Variants in NELL2 observed in about 807,000 individuals in gnomAD.
The protein encoded by NELL2 is neural EGFL like 2.
In NELL2, 41 loss-of-function variants were observed where a neutral mutation model predicts 109.6. The ratio of observed to expected loss-of-function variants is 0.37; its 90% CI spans 0.29 to 0.49. The LOEUF (loss-of-function observed/expected upper bound fraction) is 0.49, where lower values mean the gene tolerates loss of function less well. NELL2 is among the 20% of genes least tolerant of loss of function. NELL2 has a pLI of 0.98. For missense variants in NELL2, 900 were observed against 1,008.3 expected (o/e 0.89, Z 1.45); for synonymous variants, 355 against 344.7 (o/e 1.03, Z -0.33).
intron 9 of NELL2, among the ~76,000 whole-genome samples, chr12:44,717,262 A>C (rs1179063773): frequency 1.3e-5 from 2 of 152,184 alleles, no homozygotes; most frequent in African/African-American, 4.8e-5. Flanking sequence ...AGGAATCATA[A>C]AAATGCCATT....
intron 13 of NELL2, among the ~76,000 whole-genome samples, chr12:44,622,338 G>C (rs757097811): frequency 1.2e-4 from 18 of 152,194 alleles, no homozygotes; most frequent in South Asian, 4.2e-4. Flanking sequence ...AATTTGGCAA[G>C]AGGCATGATT....
chr12:44,765,092 A>T (rs1350451066), intron 9 of NELL2, among the ~76,000 whole-genome samples: 1 of 152,216 alleles, frequency 6.6e-6, no homozygotes. Flanking sequence ...GAGCTAAGTG[A>T]CGTGCTCCTG....
intron 2 of NELL2, among the ~76,000 whole-genome samples, chr12:44,868,074 C>T (rs1453376938): frequency 5.9e-5 from 8 of 135,582 alleles, no homozygotes; most frequent in African/African-American, 2.2e-4. Flanking sequence ...GAGCCTAGAT[C>T]TCACCACTGC....
chr12:44,648,710 C>CATATATATATATATATATATAT (rs1187414211), intron 13 of NELL2, among the ~76,000 whole-genome samples: 1 of 117,988 alleles, frequency 8.5e-6, no homozygotes, highest in African/African-American at 3.8e-5. Context: ...ACAATGCCAT[C>CATATATATATATATATATATAT]ATATATATAT....
chr12:44,818,520 C>G (rs532247094), intron 2 of NELL2, among the ~76,000 whole-genome samples: 46 of 152,000 alleles, frequency 3.0e-4, no homozygotes, highest in Non-Finnish European at 6.2e-4. Context: ...AGATAGAGCT[C>G]TTACAGCAAG....
intron 2 of NELL2, among the ~76,000 whole-genome samples, chr12:44,854,210 A>G (rs751465503): frequency 3.3e-5 from 5 of 152,210 alleles, no homozygotes; most frequent in African/African-American, 7.2e-5. Context: ...GTGCTTGCCT[A>G]GGGGATTCTC....
intron 13 of NELL2, among the ~76,000 whole-genome samples, chr12:44,664,553 A>T (rs1423749204): frequency 1.3e-5 from 2 of 152,106 alleles, no homozygotes; most frequent in Admixed American, 6.6e-5. Flanking sequence ...TTATAGATTC[A>T]TATTTTTACT....
chr12:44,755,945 A>G (rs1329853393), intron 9 of NELL2, among the ~76,000 whole-genome samples: 1 of 152,200 alleles, frequency 6.6e-6, no homozygotes, highest in Non-Finnish European at 1.5e-5. Flanking sequence ...GATGAATAGC[A>G]CAACTTCTGG....
chr12:44,731,453 C>A (rs1490304098), intron 9 of NELL2, among the ~76,000 whole-genome samples: 2 of 151,952 alleles, frequency 1.3e-5, no homozygotes, highest in African/African-American at 4.8e-5. Flanking sequence ...TGAAAACCAA[C>A]CAATATGATA....
chr12:44,827,751 G>A (rs1943761249), intron 2 of NELL2, among the ~76,000 whole-genome samples: 1 of 152,088 alleles, frequency 6.6e-6, no homozygotes, highest in African/African-American at 2.4e-5. Flanking sequence ...CTTGGCTATT[G>A]TGACTAGTGC....
chr12:44,675,276 T>C (rs1948267616), intron 12 of NELL2, among the ~76,000 whole-genome samples: 1 of 152,182 alleles, frequency 6.6e-6, no homozygotes, highest in Non-Finnish European at 1.5e-5. Flanking sequence ...CTTCAGACCT[T>C]AATTTCATCA....
At chr12:44,888,651 C>T (rs79376946) in intron 1 of NELL2, among the ~76,000 whole-genome samples, 1,602 of 151,440 alleles carry the variant, frequency 0.011, 31 homozygotes, top group East Asian at 0.048. Flanking sequence ...GAATAGTAAG[C>T]GGGATAAAAT....
Position 44,574,798 on chromosome 12 carries a change from C to T in NELL2, c.1663+32371G>A, listed in dbSNP as rs1413791352. Among the ~76,000 whole-genome samples, 5 of 152,126 alleles carry T rather than the reference C, an allele frequency of 3.3e-5. No individual in the cohort carries two copies. In the South Asian group the frequency reaches 8.3e-4, roughly 25 times the overall value. ...CTCAAATATTTGCATGGCTTGCTCT[C>T]TTATCTTTGTTAGGTATTTATGATG... is the stretch of plus-strand genomic sequence containing the variant. On this transcript the variant is annotated intron_variant, in intron 15 of 19. Transcript: ENST00000429094.
At chr12:44,742,992 G>A (rs140621356) in intron 9 of NELL2, among the ~76,000 whole-genome samples, 218 of 152,122 alleles carry the variant, frequency 1.4e-3, no homozygotes, top group African/African-American at 4.6e-3. Context: ...ACCAAGACAC[G>A]TAATTGTCAG....
intron 9 of NELL2, among the ~76,000 whole-genome samples, chr12:44,769,818 T>C (rs1458324776): frequency 6.6e-6 from 1 of 152,064 alleles, no homozygotes; most frequent in Non-Finnish European, 1.5e-5. Flanking sequence ...ATACAATAAG[T>C]ATGAATGAGA....
intron 15 of NELL2, among the ~76,000 whole-genome samples, chr12:44,583,665 C>G (rs1944398724): frequency 6.6e-6 from 1 of 152,186 alleles, no homozygotes; most frequent in African/African-American, 2.4e-5. Flanking sequence ...AAAACCAACA[C>G]TAGGAAACAT....
chr12:44,877,612 T>C (rs1175907359), upstream of NELL2, among the ~76,000 whole-genome samples: 4 of 152,182 alleles, frequency 2.6e-5, no homozygotes. Flanking sequence ...ATACATTTTA[T>C]CTATAGATAT....
chr12:44,683,075 T>A (rs1228781381), intron 12 of NELL2, among the ~76,000 whole-genome samples: 2 of 152,212 alleles, frequency 1.3e-5, no homozygotes, highest in African/African-American at 2.4e-5. Context: ...TCCATTTGTT[T>A]GTATCCTCTT....
intron 15 of NELL2, among the ~76,000 whole-genome samples, chr12:44,558,033 A>G (rs1383923764): frequency 1.3e-5 from 2 of 152,248 alleles, no homozygotes; most frequent in African/African-American, 4.8e-5. Context: ...TCAAGAAAAT[A>G]GAGACGGGAA....
Sources: allele counts gnomAD v4.1 joint callset (sites outside exome capture counted in the v4.1 genomes callset), GRCh38; gene constraint gnomAD v4.1.1; transcripts MANE v1.5; gene names NCBI Gene and HGNC (gene_info 2026-07-23, HGNC 2026-07-21).